SELP: variants seen among roughly 807,000 people sequenced by gnomAD.
The protein encoded by SELP is P-selectin.
Under a neutral mutation model 104.1 loss-of-function variants are expected in SELP, and 92 were observed. The observed-to-expected ratio is 0.88, with a 90% confidence interval of 0.75 to 1.05. The LOEUF is 1.05. Ranked by LOEUF, SELP falls within the 50% of genes least tolerant of loss-of-function variation. The pLI, the probability that SELP is intolerant of heterozygous loss-of-function variation, is 0.00. For missense variants in SELP, 1,022 were observed against 1,017.3 expected, an observed-to-expected ratio of 1.00 and a Z score of -0.06; for synonymous variants, 397 against 364.5, an observed-to-expected ratio of 1.09 and a Z score of -1.01.
rs1484274963 is a variant in SELP at position 169,603,305 on chromosome 1, C to CTGTGTGTGTGTGTG, written c.1520-95_1520-94insCACACACACACACA. On this transcript the variant is annotated intron_variant, in intron 9 of 16. Transcript: ENST00000263686. ...TCTCTCTCTCTTTCTCCCTCTCTCT[C>CTGTGTGTGTGTGTG]TCTGTGTGTGTGTGTGTGTGTGTGT... 7.6e-3 allele frequency: 4,898 copies of CTGTGTGTGTGTGTG among 644,492 alleles called. 38 individuals are homozygous for CTGTGTGTGTGTGTG. Among genetic ancestry groups the CTGTGTGTGTGTGTG allele is most frequent in the Admixed American group, 0.011 (288 of 26,940 alleles). The allele number at this position is 644,492 out of a possible 1,614,324, so 39.9% of individuals were successfully genotyped here. A position where few individuals can be genotyped will look rare whatever the true frequency, so the allele number is the denominator to read the frequency against.
In SELP at chr1:169,611,566, T is replaced by C; in HGVS notation, c.1073A>G (p.Tyr358Cys). The change falls in exon 7 of 17, where the codon TAC (tyrosine) becomes TGC (cysteine). Residue 358 changes from tyrosine (Y) to cysteine (C), a missense_variant. Tyr to Cys is a radical substitution (Grantham distance 194, BLOSUM62 -2). Coordinates refer to ENST00000263686, the MANE Select transcript of SELP (RefSeq NM_003005.4). The part of the protein sequence containing the change: ...SSCKFECQPG[Y>C]RVRGLDMLRC... ...GAGCATGTCCAAGCCCCTCACTCTG[T>C]AGCCGGGCTGGCACTCAAATTTACA... 6.2e-7 allele frequency: 1 copy of C among 1,614,110 alleles called. No homozygotes were observed. The highest frequency in any genetic ancestry group is 8.5e-7 in the Non-Finnish European group (1 of 1,180,010).
rs539888094 is a variant in SELP at position 169,595,914 on chromosome 1, T to C, written c.2101+11A>G. 6.2e-6 allele frequency: 10 copies of C among 1,612,606 alleles called. No homozygotes were observed. The African/African-American group carries it at 1.3e-4, about 22-fold the overall frequency. On this transcript the variant is annotated intron_variant, in intron 12 of 16. Coordinates refer to ENST00000263686, the MANE Select transcript of SELP (RefSeq NM_003005.4). ...GGCAGGTTCAGAACTGCCTGCTCCT[T>C]TTCACCTTACCTCTGCATGCTGGAG... is the stretch of plus-strand genomic sequence containing the variant.
At chr1:169,610,779 A>AAAAC (rs76632064) in intron 7 of SELP, among the ~76,000 whole-genome samples, 2,269 of 151,096 alleles carry the variant, frequency 0.015, 27 homozygotes, top group East Asian at 0.058. Flanking sequence ...ACTCTGTCTC[A>AAAAC]AAACAAACAA....
intron 1 of SELP, among the ~76,000 whole-genome samples, chr1:169,628,473 C>T (rs1392558463): frequency 1.3e-5 from 2 of 152,192 alleles, no homozygotes; most frequent in African/African-American, 4.8e-5. Context: ...AGGGCTGGGG[C>T]CTTAGCACTT....
intron 10 of SELP, among the ~76,000 whole-genome samples, chr1:169,599,720 C>T (rs3917787): frequency 0.068 from 10,267 of 152,070 alleles, 461 homozygotes; most frequent in Middle Eastern, 0.12. Context: ...AACTAGGAAG[C>T]CCCACAGATT....
chr1:169,604,227 CT>C (rs1342547134), intron 9 of SELP, among the ~76,000 whole-genome samples: 3 of 151,228 alleles, frequency 2.0e-5, no homozygotes. Context: ...TTTCATGTGT[CT>C]TTTGGCTGCA....
At chr1:169,615,596 G>A (rs1662771028) in intron 3 of SELP, among the ~76,000 whole-genome samples, 1 of 152,158 alleles carries the variant, frequency 6.6e-6, no homozygotes, top group Non-Finnish European at 1.5e-5. Flanking sequence ...TTCTAGGGAG[G>A]CATAGCCCAG....
intron 7 of SELP, among the ~76,000 whole-genome samples, chr1:169,610,039 G>A (rs866801418): frequency 4.6e-5 from 7 of 152,102 alleles, no homozygotes; most frequent in South Asian, 4.1e-4. Flanking sequence ...TGGTCTCCTC[G>A]AAGTTGGGCT....
rs550416177 is a variant in SELP, at chr1:169,611,809, T to C, written c.962-132A>G. ...TGTAAAGGTCAAGAGACCCTAATGA[T>C]GTTTGTCCAGACTTGGATTACCAGT... On this transcript the variant is annotated intron_variant, in intron 6 of 16. Coordinates refer to ENST00000263686, the MANE Select transcript of SELP (RefSeq NM_003005.4). The C allele has an allele frequency of 8.2e-6, 7 of 857,942 alleles. No individual in the cohort carries two copies. In the South Asian group the frequency reaches 1.2e-4, roughly 15 times the overall value. 53.1% of individuals were successfully genotyped at this position (857,942 alleles called of 1,614,324 possible).
At chr1:169,619,057 A>G (rs1662965080) in intron 2 of SELP, 72 bp downstream of exon 2, 1 of 1,278,894 alleles carries the variant, frequency 7.8e-7, no homozygotes, top group Non-Finnish European at 1.1e-6. Flanking sequence ...ACAATCCTTA[A>G]ATTTCTCACA....
chr1:169,591,705 A>G (rs1661362898), intron 14 of SELP: 1 of 317,040 alleles, frequency 3.2e-6, no homozygotes, highest in East Asian at 6.3e-5. Flanking sequence ...GTAAATACAT[A>G]AATCAATTTC....
intron 14 of SELP, 60 bp from the exon 15 acceptor site, chr1:169,591,516 G>A: frequency 1.6e-6 from 2 of 1,220,832 alleles, no homozygotes; most frequent in South Asian, 1.4e-5. Context: ...ATGAAAGAGA[G>A]GGTCATTAAG....
At chr1:169,613,466 T>A in intron 4 of SELP, 120 bp downstream of exon 4, 1 of 742,764 alleles carries the variant, frequency 1.3e-6, no homozygotes, top group Non-Finnish European at 2.4e-6. Flanking sequence ...AGGAGACAGA[T>A]GATAGAGGGG....
At chr1:169,609,214 C>T (rs771368314) in intron 8 of SELP, among the ~76,000 whole-genome samples, 11 of 152,120 alleles carry the variant, frequency 7.2e-5, no homozygotes, top group Non-Finnish European at 1.5e-4. Context: ...CCATCCCATG[C>T]TATTCCTCAT....
chr1:169,595,344 G>C (rs3917824), intron 12 of SELP, among the ~76,000 whole-genome samples: 34,877 of 151,932 alleles, frequency 0.23, 7,199 homozygotes, highest in African/African-American at 0.56. Context: ...GGAACTTCAG[G>C]GTTATTCTTT....
Position 169,611,389 on chromosome 1 carries a change from A to G in SELP, c.1147+103T>C. 2.5e-6 allele frequency: 3 copies of G among 1,196,572 alleles called. No homozygotes were observed. The South Asian group carries it at 4.5e-5, about 18-fold the overall frequency. The allele number at this position is 1,196,572 out of a possible 1,614,324, so 74.1% of individuals were successfully genotyped here. A position where few individuals can be genotyped will look rare whatever the true frequency, so the allele number is the denominator to read the frequency against. On this transcript the variant is annotated intron_variant, in intron 7 of 16. Coordinates refer to ENST00000263686, the MANE Select transcript of SELP (RefSeq NM_003005.4). ...GAGGTTGAAGAGCTTGCTCTAGTGC[A>G]AGAACTTAGAAGAGATCACCCCGAC...
rs773032366 is a variant in SELP, at chr1:169,617,229, TCCCAATC to T, written c.273_279del (p.Trp91Ter). ...GTCCATGTCTTATTGTTCTTTCGGA[TCCCAATC>T]CAGTAGTAGGAGCTGTAGTAGGGTA... On this transcript the variant is annotated frameshift_variant, in exon 3 of 17. Transcript: ENST00000263686. LOFTEE classifies it high-confidence loss of function. 6.2e-7 allele frequency: 1 copy of T among 1,614,192 alleles called. No individual in the cohort carries two copies. The highest frequency in any genetic ancestry group is 8.5e-7 in the Non-Finnish European group (1 of 1,180,032).
chr1:169,600,455 G>C (rs1481937833), intron 10 of SELP, among the ~76,000 whole-genome samples: 4 of 152,176 alleles, frequency 2.6e-5, no homozygotes, highest in Non-Finnish European at 5.9e-5. Flanking sequence ...TATCTGCAGG[G>C]AGTCCTGGAA....
intron 2 of SELP, 22 bp from the exon 3 acceptor site, chr1:169,617,436 G>A (rs1410613190): frequency 6.2e-7 from 1 of 1,608,266 alleles, no homozygotes; most frequent in African/African-American, 1.3e-5. Context: ...GAGAGTGAGT[G>A]CCAGGTTAGT....
Sources: gnomAD v4.1 joint callset for allele counts (sites outside exome capture counted in the v4.1 genomes callset) on GRCh38, gnomAD v4.1.1 for gene constraint, MANE v1.5 for transcripts, NCBI Gene and HGNC (gene_info 2026-07-23, HGNC 2026-07-21) for gene names.